AR: variants seen among roughly 807,000 people sequenced by gnomAD.
AR encodes the protein dihydrotestosterone receptor.
AR carries 8 observed loss-of-function variants against 53.9 expected under a neutral mutation model. The observed-to-expected ratio is 0.15, with a 90% confidence interval of 0.09 to 0.27. AR has a LOEUF of 0.27. Among genes scored for constraint, AR ranks in the 10% least tolerant of loss-of-function variants. AR has a pLI of 1.00. For synonymous variants in AR, 359 were observed against 316.4 expected (o/e 1.13, Z -1.43); for missense variants, 639 against 742.5 (o/e 0.86, Z 1.62).
rs1035225610 is a variant in AR, at chrX:67,704,979, G to A, written c.1886-6423G>A. ...GTAGATACGCAGCATTATTTCTGAG[G>A]GCTCTGTTCTGTTCCATTGATCTAT... On this transcript the variant is annotated intron_variant, in intron 3 of 7. Transcript: ENST00000374690. Among the ~76,000 whole-genome samples the A allele has an allele frequency of 7.8e-4, 87 of 111,370 alleles. 1 individual carries two copies. The highest frequency in any genetic ancestry group is 2.7e-3 in the African/African-American group (82 of 30,569).
At chrX:67,697,391 A>G (rs994059386) in intron 3 of AR, among the ~76,000 whole-genome samples, 1 of 111,134 alleles carries the variant, frequency 9.0e-6, no homozygotes, top group African/African-American at 3.3e-5. Flanking sequence ...TGCAGAATTT[A>G]CTCTGTTCTA....
intron 1 of AR, among the ~76,000 whole-genome samples, chrX:67,562,299 T>G (rs1921358744): frequency 9.2e-6 from 1 of 109,136 alleles, no homozygotes. Context: ...TCTTTCACCC[T>G]TCATCAGAAG....
intron 2 of AR, among the ~76,000 whole-genome samples, chrX:67,660,502 T>C (rs1422727667): frequency 8.9e-6 from 1 of 111,843 alleles, no homozygotes; most frequent in East Asian, 2.8e-4. Flanking sequence ...TTTGTCAGGT[T>C]TGTCAAAGAT....
intron 3 of AR, among the ~76,000 whole-genome samples, chrX:67,700,673 G>T (rs1315853417): frequency 8.9e-6 from 1 of 111,835 alleles, no homozygotes; most frequent in Admixed American, 9.4e-5. Context: ...ATATAGGCCT[G>T]GGGAGGAGGA....
At chrX:67,613,946 C>G (rs764269223) in intron 1 of AR, among the ~76,000 whole-genome samples, 2 of 112,333 alleles carry the variant, frequency 1.8e-5, no homozygotes, top group Admixed American at 1.9e-4. Context: ...GGTTTCCAAG[C>G]CACATGCACA....
At chrX:67,570,436 T>G (rs749040901) in intron 1 of AR, among the ~76,000 whole-genome samples, 1 of 112,336 alleles carries the variant, frequency 8.9e-6, no homozygotes, top group East Asian at 2.8e-4. Context: ...AATTTATTCA[T>G]GTAGGATGTC....
intron 2 of AR, among the ~76,000 whole-genome samples, chrX:67,654,590 A>G (rs905287001): frequency 1.8e-5 from 2 of 109,281 alleles, no homozygotes; most frequent in Admixed American, 1.0e-4. Context: ...TTTGTCCCCA[A>G]CAAGATAAGT....
chrX:67,589,443 C>T (rs73227872), intron 1 of AR, among the ~76,000 whole-genome samples: 1,749 of 111,888 alleles, frequency 0.016, 18 homozygotes, highest in Middle Eastern at 0.023. Flanking sequence ...ATGAAATCAA[C>T]TTTCCTCTCC....
intron 1 of AR, among the ~76,000 whole-genome samples, chrX:67,614,731 A>G (rs1355727085): frequency 9.0e-6 from 1 of 111,588 alleles, no homozygotes; most frequent in Non-Finnish European, 1.9e-5. Flanking sequence ...TCAACAAAAA[A>G]CTATCCATGA....
In AR at chrX:67,705,196, G is replaced by A. The variant is rs751299266; in HGVS notation, c.1886-6206G>A. Among the ~76,000 whole-genome samples the A allele has an allele frequency of 7.1e-3, 792 of 111,569 alleles. 5 individuals are homozygous for A. Among genetic ancestry groups the A allele is most frequent in the Non-Finnish European group, 0.011 (587 of 53,063 alleles). On this transcript the variant is annotated intron_variant, in intron 3 of 7. Transcript: ENST00000374690. ...AATTCTGTGGAGAAAGTCATTGATA[G>A]CTTGATGGGGATGGCATTGAATCTA...
intron 1 of AR, among the ~76,000 whole-genome samples, chrX:67,637,683 G>T (rs909454765): frequency 2.7e-5 from 3 of 110,555 alleles, no homozygotes; most frequent in Non-Finnish European, 3.8e-5. Flanking sequence ...GCACAATGTT[G>T]TACAGCAGAC....
At chrX:67,646,530 G>A (rs929450121) in intron 2 of AR, among the ~76,000 whole-genome samples, 4 of 110,479 alleles carry the variant, frequency 3.6e-5, no homozygotes, top group African/African-American at 6.6e-5. Flanking sequence ...AAACAGGCAT[G>A]GAGGGAAATA....
intron 2 of AR, among the ~76,000 whole-genome samples, chrX:67,650,223 T>C (rs1239134608): frequency 2.7e-5 from 3 of 112,220 alleles, no homozygotes. Context: ...AAATTTCATA[T>C]GGAACCAAAA....
chrX:67,546,409 A>G lies in AR; in HGVS notation c.1263A>G (p.Gly421=), dbSNP rs2147321034. The G allele has an allele frequency of 8.5e-7, 1 of 1,183,379 alleles. No individual in the cohort carries two copies. The highest frequency in any genetic ancestry group is 1.1e-6 in the Non-Finnish European group (1 of 882,353). Residue 421 remains glycine (G), a synonymous_variant, in exon 1 of 8, where the codon GGA becomes GGG. Transcript: ENST00000374690. ...LASLHGAGAA[G]PGSGSPSAAA... ...GCCTGCATGGCGCGGGTGCAGCGGG[A>G]CCCGGTTCTGGGTCACCCTCAGCCG...
intron 1 of AR, among the ~76,000 whole-genome samples, chrX:67,636,829 G>A (rs1426650478): frequency 9.0e-6 from 1 of 111,613 alleles, no homozygotes; most frequent in East Asian, 2.8e-4. Context: ...ACCTAGTGAG[G>A]CCAGGAGGCA....
At chrX:67,640,516 A>C (rs1051404961) in intron 1 of AR, among the ~76,000 whole-genome samples, 1 of 111,060 alleles carries the variant, frequency 9.0e-6, no homozygotes, top group African/African-American at 3.3e-5. Flanking sequence ...AGTTCTATTC[A>C]GGTATTTGAC....
At chrX:67,577,535 T>C (rs1403271592) in intron 1 of AR, among the ~76,000 whole-genome samples, 2 of 111,565 alleles carry the variant, frequency 1.8e-5, no homozygotes, top group Admixed American at 9.5e-5. Flanking sequence ...TAACATTTAA[T>C]CTTTTGAGGA....
chrX:67,589,134 G>A lies in AR; in HGVS notation c.1616+42372G>A, dbSNP rs1223770302. Among the ~76,000 whole-genome samples, 5 of 111,719 alleles carry A rather than the reference G, an allele frequency of 4.5e-5. No homozygotes were observed. The East Asian group carries it at 1.4e-3, about 32-fold the overall frequency. ...GTTAATTAGCCGGGCGCGGTGGCGG[G>A]CGCCTGTAGTCCCAGCTACTCGGGA... On this transcript the variant is annotated intron_variant, in intron 1 of 7. Coordinates refer to ENST00000374690, the MANE Select transcript of AR (RefSeq NM_000044.6).
At position 67,709,435 on chromosome X, in the gene AR, G is replaced by A. The variant is rs775716656; in HGVS notation, c.1886-1967G>A. 7.4e-3 allele frequency among the ~76,000 whole-genome samples: 831 copies of A among 112,462 alleles called. 5 individuals carry two copies. The highest frequency in any genetic ancestry group is 0.025 in the African/African-American group (788 of 30,956). On this transcript the variant is annotated intron_variant, in intron 3 of 7. Coordinates refer to ENST00000374690, the MANE Select transcript of AR (RefSeq NM_000044.6). ...ATGCTCCATGGGCGTGGGACCCTCC[G>A]AGCCAGGTGTGGGATATAATCTCCT...
Sources: gnomAD v4.1 joint callset for allele counts (sites outside exome capture counted in the v4.1 genomes callset) on GRCh38, gnomAD v4.1.1 for gene constraint, MANE v1.5 for transcripts, NCBI Gene and HGNC (gene_info 2026-07-23, HGNC 2026-07-21) for gene names.